Variants in PLXNA4 observed in about 807,000 individuals in gnomAD.
The protein encoded by PLXNA4 is plexin A4.
In PLXNA4, 44 loss-of-function variants were observed where a neutral mutation model predicts 191.8. The ratio of observed to expected loss-of-function variants is 0.23; its 90% CI spans 0.18 to 0.29. The LOEUF is 0.29. Among genes scored for constraint, PLXNA4 ranks in the 10% least tolerant of loss-of-function variants. The pLI is 1.00. For missense variants in PLXNA4, 1,800 were observed against 2,488.8 expected, an observed-to-expected ratio of 0.72 and a Z score of 5.89; for synonymous variants, 1,082 against 1,009.5, an observed-to-expected ratio of 1.07 and a Z score of -1.36.
intron 1 of PLXNA4, among the ~76,000 whole-genome samples, chr7:132,532,338 A>C (rs950219796): frequency 6.6e-6 from 1 of 152,208 alleles, no homozygotes; most frequent in Non-Finnish European, 1.5e-5. Flanking sequence ...GGCCTTTTAT[A>C]AACACAGGTT....
intron 1 of PLXNA4, among the ~76,000 whole-genome samples, chr7:132,530,101 G>C (rs1322962992): frequency 2.0e-5 from 3 of 152,014 alleles, no homozygotes; most frequent in East Asian, 3.9e-4. Context: ...TCAACTCCAG[G>C]GTATTTAGAT....
chr7:132,168,229 C>A (rs773617529), intron 22 of PLXNA4, 75 bp downstream of exon 22: 4 of 1,438,392 alleles, frequency 2.8e-6, no homozygotes. Flanking sequence ...GAGCTCCACC[C>A]GAGTCTCCCT....
At chr7:132,597,857 C>CTATATATA (rs372984088) in intron 2 of PLXNA4, among the ~76,000 whole-genome samples, 224 of 58,152 alleles carry the variant, frequency 3.9e-3, no homozygotes, top group South Asian at 9.6e-3. Flanking sequence ...CTCTCTCTCT[C>CTATATATA]TCTATATATA....
At chr7:132,533,209 A>G (rs983958928) in intron 1 of PLXNA4, among the ~76,000 whole-genome samples, 1 of 152,186 alleles carries the variant, frequency 6.6e-6, no homozygotes, top group Non-Finnish European at 1.5e-5. Context: ...TTTCAGTTGC[A>G]TGCACAGTAC....
At chr7:132,259,344 G>A (rs1460100511) in intron 4 of PLXNA4, among the ~76,000 whole-genome samples, 5 of 146,366 alleles carry the variant, frequency 3.4e-5, no homozygotes, top group Non-Finnish European at 7.5e-5. Context: ...GCTGAGGCAG[G>A]ATAATCACTT....
chr7:132,365,328 CGTGTGTGT>C (rs3057957), intron 3 of PLXNA4, among the ~76,000 whole-genome samples: 5 of 142,992 alleles, frequency 3.5e-5, no homozygotes, highest in East Asian at 4.2e-4. Context: ...CTACGGCCCG[CGTGTGTGT>C]GTGTGTGTGT....
chr7:132,130,247 G>A lies in PLXNA4; in HGVS notation c.*232C>T, dbSNP rs1329594904. On this transcript the variant is annotated 3_prime_UTR_variant, in exon 32 of 32. Transcript: ENST00000321063. ...CCTTGCCATGGGCCTGGCCATTCTTGGACTAACTGAGGGTCAGTGGCTTGG... is the reference window on the plus strand; with the variant it reads ...CCTTGCCATGGGCCTGGCCATTCTTAGACTAACTGAGGGTCAGTGGCTTGG... 3 of 549,708 alleles carry A rather than the reference G, an allele frequency of 5.5e-6. No individual in the cohort carries two copies. The East Asian group carries it at 1.0e-4, about 19-fold the overall frequency. 34.1% of individuals were successfully genotyped at this position (549,708 alleles called of 1,614,324 possible). A position where few individuals can be genotyped will look rare whatever the true frequency, so the allele number is the denominator to read the frequency against.
At chr7:132,391,231 G>A (rs1805397687) in intron 3 of PLXNA4, among the ~76,000 whole-genome samples, 1 of 152,200 alleles carries the variant, frequency 6.6e-6, no homozygotes, top group African/African-American at 2.4e-5. Flanking sequence ...CATCAGGTAG[G>A]TGACATGGGA....
In PLXNA4 at chr7:132,203,458, G is replaced by T. The variant is rs754866610; in HGVS notation, c.2299-39C>A. 5.7e-6 allele frequency: 9 copies of T among 1,568,334 alleles called. No homozygotes were observed. In the South Asian group the frequency reaches 8.9e-5, roughly 15 times the overall value. ...GGGGAGGAGGAAAGAAGAAAGTGGG[G>T]TCACAGAGAGTTCTAGAGAGGGCCC... On this transcript the variant is annotated intron_variant, in intron 10 of 31. Coordinates refer to ENST00000321063, the MANE Select transcript of PLXNA4 (RefSeq NM_020911.2).
intron 3 of PLXNA4, among the ~76,000 whole-genome samples, chr7:132,306,946 G>A (rs1350001561): frequency 6.6e-6 from 1 of 152,130 alleles, no homozygotes; most frequent in Non-Finnish European, 1.5e-5. Flanking sequence ...ATGCGAATAC[G>A]GGCATGAGGT....
At chr7:132,545,569 G>A (rs1321831501) in intron 1 of PLXNA4, among the ~76,000 whole-genome samples, 1 of 152,160 alleles carries the variant, frequency 6.6e-6, no homozygotes, top group African/African-American at 2.4e-5. Flanking sequence ...TTGACCCAAG[G>A]TTTTTCTTTC....
intron 2 of PLXNA4, among the ~76,000 whole-genome samples, chr7:132,503,884 G>C (rs1271785127): frequency 6.6e-6 from 1 of 152,176 alleles, no homozygotes; most frequent in African/African-American, 2.4e-5. Flanking sequence ...CTTGTTCTGG[G>C]AGACCTCTTT....
intron 29 of PLXNA4, among the ~76,000 whole-genome samples, chr7:132,144,633 A>G (rs995854228): frequency 6.6e-6 from 1 of 152,156 alleles, no homozygotes; most frequent in Non-Finnish European, 1.5e-5. Flanking sequence ...TTGCCCTTCT[A>G]AGATCTGGTT....
chr7:132,353,018 A>G (rs910624741), intron 3 of PLXNA4, among the ~76,000 whole-genome samples: 8 of 152,132 alleles, frequency 5.3e-5, no homozygotes, highest in African/African-American at 1.7e-4. Context: ...AACATTTTCC[A>G]CTAATATATG....
At chr7:132,426,402 G>C (rs746005019) in intron 3 of PLXNA4, among the ~76,000 whole-genome samples, 25 of 152,194 alleles carry the variant, frequency 1.6e-4, no homozygotes, top group Admixed American at 2.6e-4. Flanking sequence ...TCTGTCTGAG[G>C]CACACAGTGT....
intron 7 of PLXNA4, among the ~76,000 whole-genome samples, 166 bp downstream of exon 7, chr7:132,227,285 G>A (rs1798357857): frequency 6.6e-6 from 1 of 152,226 alleles, no homozygotes; most frequent in Non-Finnish European, 1.5e-5. Flanking sequence ...GGGCAATGGA[G>A]GGAGATCCCA....
chr7:132,371,870 C>T (rs1176991761), intron 3 of PLXNA4, among the ~76,000 whole-genome samples: 1 of 152,160 alleles, frequency 6.6e-6, no homozygotes, highest in Non-Finnish European at 1.5e-5. Flanking sequence ...TCCATGAAAA[C>T]ACACTGAGAA....
At chr7:132,477,774 T>C (rs1323636380) in intron 3 of PLXNA4, among the ~76,000 whole-genome samples, 1 of 152,196 alleles carries the variant, frequency 6.6e-6, no homozygotes, top group Non-Finnish European at 1.5e-5. Context: ...TGAACTGTAT[T>C]TTCTATGTGA....
chr7:132,190,915 G>A (rs1489678779), intron 14 of PLXNA4, among the ~76,000 whole-genome samples: 1 of 152,228 alleles, frequency 6.6e-6, no homozygotes, highest in East Asian at 1.9e-4. Flanking sequence ...GATGTCTGGA[G>A]TCCCAGTAAA....
Sources: allele counts gnomAD v4.1 joint callset (sites outside exome capture counted in the v4.1 genomes callset), GRCh38; gene constraint gnomAD v4.1.1; transcripts MANE v1.5; gene names NCBI Gene and HGNC (gene_info 2026-07-23, HGNC 2026-07-21).